Variants in GPHN observed in about 807,000 individuals in gnomAD.
GPHN encodes gephyrin.
GPHN carries 17 observed loss-of-function variants against 95.5 expected under a neutral mutation model. That is an observed-to-expected ratio of 0.18 (90% CI 0.12 to 0.27). The LOEUF is 0.27. Among genes scored for constraint, GPHN ranks in the 10% least tolerant of loss-of-function variants. The pLI, the probability that GPHN is intolerant of heterozygous loss-of-function variation, is 1.00. For synonymous variants in GPHN, 320 were observed against 322.5 expected (o/e 0.99, Z 0.08); for missense variants, 660 against 978.1 (o/e 0.67, Z 4.34).
At chr14:67,501,266 G>A in the GPHN span, among the ~76,000 whole-genome samples, 1 of 152,046 alleles carries the variant, frequency 6.6e-6, no homozygotes, top group Non-Finnish European at 1.5e-5. Flanking sequence ...TGTCTCACAG[G>A]CTAGAACTAG....
At chr14:67,685,764 C>T in the GPHN span, among the ~76,000 whole-genome samples, 27 of 152,020 alleles carry the variant, frequency 1.8e-4, no homozygotes, top group Admixed American at 1.3e-4. Flanking sequence ...TACAGGGGTG[C>T]GCCACCACAC....
chr14:67,660,579 C>CCTT, the GPHN span, among the ~76,000 whole-genome samples: 1 of 152,190 alleles, frequency 6.6e-6, no homozygotes, highest in Non-Finnish European at 1.5e-5. Flanking sequence ...AGGGTTCTTC[C>CCTT]CTTCTCCTGC....
At chr14:67,579,852 G>A in the GPHN span, 2 of 1,604,080 alleles carry the variant, frequency 1.2e-6, no homozygotes, top group Admixed American at 3.4e-5. Flanking sequence ...GGGACCTGGA[G>A]CACTGCCTGC....
At chr14:66,679,581 G>A (rs974524689) in intron 1 of GPHN, among the ~76,000 whole-genome samples, 1 of 152,086 alleles carries the variant, frequency 6.6e-6, no homozygotes, top group Non-Finnish European at 1.5e-5. Flanking sequence ...TTATATTTGT[G>A]TTGAAGTGTT....
chr14:67,434,703 G>A, the GPHN span, among the ~76,000 whole-genome samples: 8 of 152,228 alleles, frequency 5.3e-5, no homozygotes, highest in African/African-American at 1.9e-4. Flanking sequence ...TGACAGCAGA[G>A]AGAACACCAA....
At chr14:66,537,926 C>T (rs906704852) in intron 1 of GPHN, among the ~76,000 whole-genome samples, 6 of 152,110 alleles carry the variant, frequency 3.9e-5, no homozygotes, top group Non-Finnish European at 8.8e-5. Flanking sequence ...CTCCTAGGCT[C>T]GAGCGATCCT....
intron 9 of GPHN, among the ~76,000 whole-genome samples, chr14:66,970,477 G>A (rs1217887553): frequency 1.3e-5 from 2 of 152,146 alleles, no homozygotes; most frequent in African/African-American, 4.8e-5. Flanking sequence ...TTTTTACAAA[G>A]TATTGAATAT....
the GPHN span, chr14:67,392,591 C>T: frequency 2.9e-5 from 41 of 1,419,114 alleles, no homozygotes; most frequent in Non-Finnish European, 3.7e-5. Flanking sequence ...CTGTGGCCCC[C>T]AGGCCCCCAT....
At chr14:67,065,600 A>C (rs1239274658) in intron 11 of GPHN, among the ~76,000 whole-genome samples, 1 of 152,078 alleles carries the variant, frequency 6.6e-6, no homozygotes, top group Non-Finnish European at 1.5e-5. Context: ...TTGCTTTACG[A>C]ATCTGGGTGC....
At chr14:66,564,563 A>G (rs2060383603) in intron 1 of GPHN, among the ~76,000 whole-genome samples, 1 of 152,180 alleles carries the variant, frequency 6.6e-6, no homozygotes, top group Admixed American at 6.5e-5. Context: ...GATTGAAAGC[A>G]AGGAGTAGGA....
chr14:67,373,073 T>C, the GPHN span, among the ~76,000 whole-genome samples: 1 of 152,208 alleles, frequency 6.6e-6, no homozygotes, highest in African/African-American at 2.4e-5. Flanking sequence ...TTCTAACTGC[T>C]CCACATTGCT....
chr14:66,815,842 CA>C (rs911042016), intron 3 of GPHN, among the ~76,000 whole-genome samples: 1 of 151,976 alleles, frequency 6.6e-6, no homozygotes, highest in African/African-American at 2.4e-5. Flanking sequence ...CTAAATGCCC[CA>C]ATTAAAAACA....
At chr14:67,052,339 C>CA (rs562739946) in intron 10 of GPHN, among the ~76,000 whole-genome samples, 1,620 of 119,838 alleles carry the variant, frequency 0.014, 16 homozygotes, top group African/African-American at 0.035. Context: ...GACATTAAAC[C>CA]AAAAAAAAAA....
intron 10 of GPHN, among the ~76,000 whole-genome samples, chr14:67,057,111 C>T (rs1446104731): frequency 6.6e-6 from 1 of 152,160 alleles, no homozygotes; most frequent in African/African-American, 2.4e-5. Flanking sequence ...CCTCGGCCAG[C>T]CCAGAGAGGG....
intron 3 of GPHN, among the ~76,000 whole-genome samples, chr14:66,810,492 G>T (rs930433432): frequency 2.6e-5 from 4 of 151,874 alleles, no homozygotes; most frequent in African/African-American, 9.7e-5. Context: ...TTGACATTAT[G>T]TGTGAAACTT....
At chr14:66,616,958 G>A (rs1459199906) in intron 1 of GPHN, among the ~76,000 whole-genome samples, 6 of 152,058 alleles carry the variant, frequency 3.9e-5, no homozygotes, top group South Asian at 2.1e-4. Flanking sequence ...TGCCTGCCTC[G>A]GCCTCCCAAA....
chr14:67,253,284 A>G, the GPHN span, among the ~76,000 whole-genome samples: 56 of 152,368 alleles, frequency 3.7e-4, no homozygotes, highest in Middle Eastern at 0.02. Context: ...TCAATGTTAG[A>G]TAAGAGATAG....
At chr14:66,640,369 C>G (rs2064327510) in intron 1 of GPHN, among the ~76,000 whole-genome samples, 1 of 152,110 alleles carries the variant, frequency 6.6e-6, no homozygotes, top group East Asian at 1.9e-4. Flanking sequence ...TTGCAGTGAG[C>G]CAAGACTGCA....
chr14:67,460,603 C>G, the GPHN span, among the ~76,000 whole-genome samples: 2 of 152,162 alleles, frequency 1.3e-5, no homozygotes, highest in East Asian at 3.9e-4. Flanking sequence ...ACTCGGGAGG[C>G]TGACACAGGA....
Sources: allele counts gnomAD v4.1 joint callset (sites outside exome capture counted in the v4.1 genomes callset), GRCh38; gene constraint gnomAD v4.1.1; transcripts MANE v1.5; gene names NCBI Gene and HGNC (gene_info 2026-07-23, HGNC 2026-07-21).